Variants in QTMAN observed in about 807,000 individuals in gnomAD.
The protein encoded by QTMAN is tRNA-queuosine alpha-mannosyltransferase.
At chr2:144,109,229 G>A in the QTMAN span, among the ~76,000 whole-genome samples, 1 of 152,158 alleles carries the variant, frequency 6.6e-6, no homozygotes, top group Admixed American at 6.5e-5. Context: ...AGAGCCCTCA[G>A]AAATAATACC....
chr2:144,301,290 T>G, the QTMAN span, among the ~76,000 whole-genome samples: 1 of 152,200 alleles, frequency 6.6e-6, no homozygotes, highest in Non-Finnish European at 1.5e-5. Flanking sequence ...TAGCATGATC[T>G]CAGCTTACTG....
chr2:144,030,837 C>T, the QTMAN span, among the ~76,000 whole-genome samples: 1 of 152,102 alleles, frequency 6.6e-6, no homozygotes, highest in African/African-American at 2.4e-5. Context: ...TATTCTCAGA[C>T]CTGCGGAGGG....
the QTMAN span, among the ~76,000 whole-genome samples, chr2:144,120,699 C>A: frequency 6.6e-6 from 1 of 152,170 alleles, no homozygotes; most frequent in Non-Finnish European, 1.5e-5. Context: ...TGCTTCTTAA[C>A]TGGTGACAGA....
chr2:144,273,034 T>C, the QTMAN span, among the ~76,000 whole-genome samples: 2 of 152,208 alleles, frequency 1.3e-5, no homozygotes, highest in East Asian at 1.9e-4. Flanking sequence ...CAATGGAACA[T>C]TGAAGCAACA....
At chr2:143,971,296 T>G in the QTMAN span, among the ~76,000 whole-genome samples, 5 of 152,120 alleles carry the variant, frequency 3.3e-5, no homozygotes, top group African/African-American at 4.8e-5. Context: ...ACCCTCTCAC[T>G]AATCTCTCAT....
chr2:144,229,474 T>C, the QTMAN span, among the ~76,000 whole-genome samples: 1 of 152,130 alleles, frequency 6.6e-6, no homozygotes. Flanking sequence ...ATCCCCCAGT[T>C]TGGTAGGATT....
chr2:144,235,780 C>A, the QTMAN span: 2 of 152,470 alleles, frequency 1.3e-5, no homozygotes, highest in Non-Finnish European at 1.5e-5. Context: ...TCAAAATAAA[C>A]CCAGCCTGAA....
the QTMAN span, among the ~76,000 whole-genome samples, chr2:144,089,403 A>T: frequency 6.6e-6 from 1 of 152,000 alleles, no homozygotes; most frequent in African/African-American, 2.4e-5. Flanking sequence ...TCAAAAAACT[A>T]AACATAGAAT....
the QTMAN span, among the ~76,000 whole-genome samples, chr2:143,958,406 T>C: frequency 1.3e-5 from 2 of 152,072 alleles, no homozygotes; most frequent in African/African-American, 2.4e-5. Flanking sequence ...TTTCAAGATA[T>C]GAAAACATGA....
chr2:144,244,848 T>C, the QTMAN span, among the ~76,000 whole-genome samples: 6 of 152,168 alleles, frequency 3.9e-5, no homozygotes, highest in African/African-American at 1.4e-4. Flanking sequence ...ACCGTTCATA[T>C]GTGATGCCAC....
the QTMAN span, among the ~76,000 whole-genome samples, chr2:144,163,026 C>T: frequency 6.6e-6 from 1 of 152,016 alleles, no homozygotes; most frequent in African/African-American, 2.4e-5. Flanking sequence ...ACAAAACAAA[C>T]CCGGAATATG....
At chr2:143,962,596 G>A in the QTMAN span, among the ~76,000 whole-genome samples, 1 of 152,146 alleles carries the variant, frequency 6.6e-6, no homozygotes, top group Non-Finnish European at 1.5e-5. Flanking sequence ...GGTATCCAGA[G>A]TCTGGGAGAC....
chr2:144,108,335 T>C, the QTMAN span, among the ~76,000 whole-genome samples: 1 of 152,138 alleles, frequency 6.6e-6, no homozygotes, highest in Non-Finnish European at 1.5e-5. Flanking sequence ...GCAGATGACA[T>C]GATTGTATAT....
the QTMAN span, among the ~76,000 whole-genome samples, chr2:144,003,607 T>C: frequency 6.6e-6 from 1 of 152,070 alleles, no homozygotes; most frequent in Non-Finnish European, 1.5e-5. Flanking sequence ...GTCAGTTATT[T>C]ATCTACTGTC....
chr2:143,998,911 C>T, the QTMAN span, among the ~76,000 whole-genome samples: 2 of 152,064 alleles, frequency 1.3e-5, no homozygotes, highest in African/African-American at 4.8e-5. Flanking sequence ...ATGACCGTGT[C>T]TATCTGTCAT....
the QTMAN span, among the ~76,000 whole-genome samples, chr2:144,055,529 T>C: frequency 6.6e-6 from 1 of 152,078 alleles, no homozygotes; most frequent in Non-Finnish European, 1.5e-5. Context: ...TTTGTTCTTA[T>C]CTCAGGATTT....
the QTMAN span, among the ~76,000 whole-genome samples, chr2:144,188,361 A>T: frequency 6.6e-6 from 1 of 152,182 alleles, no homozygotes; most frequent in African/African-American, 2.4e-5. Flanking sequence ...TTAACCATCT[A>T]CCACTAATTT....
chr2:144,011,904 T>C, the QTMAN span: 1 of 177,316 alleles, frequency 5.6e-6, no homozygotes. Context: ...TATGTCAGGT[T>C]TCCCATTTAA....
At chr2:144,097,328 T>C in the QTMAN span, among the ~76,000 whole-genome samples, 2 of 152,232 alleles carry the variant, frequency 1.3e-5, no homozygotes, top group Non-Finnish European at 2.9e-5. Flanking sequence ...ACAGATTCTC[T>C]TCACTTGACC....
Sources: allele counts gnomAD v4.1 joint callset (sites outside exome capture counted in the v4.1 genomes callset), GRCh38; gene constraint gnomAD v4.1.1; transcripts MANE v1.5; gene names NCBI Gene and HGNC (gene_info 2026-07-23, HGNC 2026-07-21).